The following PHF3 variants were observed in gnomAD, a reference collection of about 807,000 sequenced individuals.
The protein encoded by PHF3 is PHD finger protein 3.
A neutral mutation model predicts 178.4 loss-of-function variants in PHF3; 41 were observed. The ratio of observed to expected loss-of-function variants is 0.23; its 90% CI spans 0.18 to 0.30. The LOEUF is 0.30. Among genes scored for constraint, PHF3 ranks in the 10% least tolerant of loss-of-function variants. The pLI is 1.00. For missense variants in PHF3, 2,346 were observed against 2,398.1 expected, an observed-to-expected ratio of 0.98 and a Z score of 0.45; for synonymous variants, 842 against 800.5, an observed-to-expected ratio of 1.05 and a Z score of -0.88.
chr6:63,702,788 G>A, intron 10 of PHF3, 149 bp downstream of exon 10: 1 of 719,668 alleles, frequency 1.4e-6, no homozygotes. Flanking sequence ...GGTTTTTTGA[G>A]TGTTGAGTAA....
rs1219893676 is a variant in PHF3 at position 63,720,543 on chromosome 6, T to G, written c.*6835T>G. 3.1e-6 allele frequency: 4 copies of G among 1,297,728 alleles called. No individual in the cohort carries two copies. Among genetic ancestry groups the G allele is most frequent in the African/African-American group, 3.0e-5 (2 of 66,470 alleles). 80.4% of individuals were successfully genotyped at this position (1,297,728 alleles called of 1,614,324 possible). A position where few individuals can be genotyped will look rare whatever the true frequency, so the allele number is the denominator to read the frequency against. ...GTAAGCAATGTATCAAAGAAATAAC[T>G]ATCAAAATAACTGCATTTATGTATA... is the stretch of plus-strand genomic sequence containing the variant. On this transcript the variant is annotated 3_prime_UTR_variant, in exon 16 of 16. Coordinates refer to ENST00000262043, the MANE Select transcript of PHF3 (RefSeq NM_001370348.2).
intron 2 of PHF3, among the ~76,000 whole-genome samples, chr6:63,649,877 T>C (rs563682961): frequency 5.9e-5 from 9 of 152,232 alleles, no homozygotes; most frequent in Admixed American, 1.3e-4. Context: ...ATAGTGAATA[T>C]ACTGTTTATA....
chr6:63,698,016 T>A (rs890178685), intron 6 of PHF3, among the ~76,000 whole-genome samples: 8 of 152,188 alleles, frequency 5.3e-5, no homozygotes, highest in Admixed American at 4.6e-4. Context: ...AGCCATTGTC[T>A]AAATTGAGGA....
Position 63,711,620 on chromosome 6 carries a change from C to G in PHF3, c.4032C>G (p.Gly1344=), listed in dbSNP as rs1767929401. The G allele has an allele frequency of 1.3e-6, 2 of 1,596,540 alleles. No individual in the cohort carries two copies. Among genetic ancestry groups the G allele is most frequent in the African/African-American group, 1.4e-5 (1 of 73,444 alleles). Residue 1344 remains glycine, a synonymous_variant, in exon 16 of 16, where the codon GGC becomes GGG. Coordinates refer to ENST00000262043, the MANE Select transcript of PHF3 (RefSeq NM_001370348.2). ...LELHRPNLLL[G]LIIRQKLKRQ... is the part of the protein sequence containing the mutation. ...TGCATAGACCTAATCTATTGTTGGG[C>G]TTAATTATTCGTCAGAAACTGAAGC... is the stretch of plus-strand genomic sequence containing the variant.
In PHF3 at chr6:63,646,802, CTTACT is replaced by C; in HGVS notation, c.244+10_244+14del. On this transcript the variant is annotated splice_region_variant and intron_variant, in intron 2 of 15. Coordinates refer to ENST00000262043, the MANE Select transcript of PHF3 (RefSeq NM_001370348.2). ...CAGATGCCTTGTTCAACAGGTAATT[CTTACT>C]TTTTTTTTTTTTTTTTTTTTTAGTC... The C allele has an allele frequency of 4.2e-6, 4 of 956,556 alleles. No homozygotes were observed. Among genetic ancestry groups the C allele is most frequent in the Admixed American group, 4.7e-5 (1 of 21,390 alleles). 59.3% of individuals were successfully genotyped at this position (956,556 alleles called of 1,614,324 possible).
chr6:63,720,906 T>C lies in PHF3; in HGVS notation c.*7198T>C. 6.4e-7 allele frequency: 1 copy of C among 1,551,126 alleles called. No individual in the cohort carries two copies. The highest frequency in any genetic ancestry group is 8.7e-7 in the Non-Finnish European group (1 of 1,146,594). ...AATTACAACTACATGGTGCCATTTA[T>C]TACAACAGAATGTGCCATTGTTATA... On this transcript the variant is annotated 3_prime_UTR_variant, in exon 16 of 16. Transcript: ENST00000262043.
At chr6:63,682,400 T>C (rs1339121915) in intron 3 of PHF3, among the ~76,000 whole-genome samples, 1 of 152,132 alleles carries the variant, frequency 6.6e-6, no homozygotes, top group Non-Finnish European at 1.5e-5. Flanking sequence ...GTCTCTTATG[T>C]CAAATACTTG....
At chr6:63,668,395 G>A (rs1422877009) in intron 2 of PHF3, among the ~76,000 whole-genome samples, 5 of 152,070 alleles carry the variant, frequency 3.3e-5, no homozygotes, top group South Asian at 4.1e-4. Flanking sequence ...GTGCAGTGGC[G>A]TGATCATGGC....
At chr6:63,679,054 G>T (rs1766307591) in intron 2 of PHF3, 1 of 158,982 alleles carries the variant, frequency 6.3e-6, no homozygotes, top group Non-Finnish European at 1.4e-5. Context: ...TCTCATTTTA[G>T]AGGTAAAGAA....
intron 2 of PHF3, among the ~76,000 whole-genome samples, chr6:63,654,908 T>C (rs1765168062): frequency 6.7e-6 from 1 of 150,250 alleles, no homozygotes; most frequent in Non-Finnish European, 1.5e-5. Context: ...TTTTTTTTTT[T>C]TCGAGATGGG....
Position 63,692,052 on chromosome 6 carries a change from TTCA to T in PHF3, c.2496+11_2496+13del. On this transcript the variant is annotated intron_variant, in intron 5 of 15. Transcript: ENST00000262043. Reference sequence around the variant, plus strand: ...TCAAAATTTTAAAACGGGTGAGCTCTTCATTAATGCATTATTTTGTTTATTTAA... The same window carrying T: ...TCAAAATTTTAAAACGGGTGAGCTCTTTAATGCATTATTTTGTTTATTTAA... The T allele has an allele frequency of 6.3e-7, 1 of 1,578,170 alleles. No individual in the cohort carries two copies. The highest frequency in any genetic ancestry group is 8.6e-7 in the Non-Finnish European group (1 of 1,159,654).
At position 63,706,860 on chromosome 6, in the gene PHF3, C is replaced by T. The variant is rs745814888; in HGVS notation, c.3695C>T (p.Pro1232Leu). ...AAAGCCTATCCAGTATCTGGCTCCC[C>T]AGAATACCTGACAGAGGTACTGTGA... ...VTKAYPVSGSPEYLTEDLPDS... is the reference protein window; with the variant it reads ...VTKAYPVSGSLEYLTEDLPDS... Residue 1232 changes from proline to leucine, a missense_variant, in exon 13 of 16, where the codon CCA (proline) becomes CTA (leucine). Physicochemically the swap from Pro to Leu is moderately conservative, Grantham distance 98. Around this residue, in one of 8 missense-constraint regions of PHF3, gnomAD observed 205 missense variants for 212.4 expected, o/e 0.97. Transcript: ENST00000262043. The T allele has an allele frequency of 1.9e-6, 3 of 1,613,890 alleles. No individual in the cohort carries two copies. The highest frequency in any genetic ancestry group is 2.2e-5 in the East Asian group (1 of 44,860).
At chr6:63,687,111 G>T (rs750365205) in intron 4 of PHF3, among the ~76,000 whole-genome samples, 3 of 152,076 alleles carry the variant, frequency 2.0e-5, no homozygotes, top group South Asian at 2.1e-4. Context: ...TAATTATATG[G>T]TTTTTTTATT....
intron 2 of PHF3, among the ~76,000 whole-genome samples, chr6:63,647,633 G>C (rs2149540804): frequency 6.6e-6 from 1 of 152,216 alleles, no homozygotes; most frequent in South Asian, 2.1e-4. Flanking sequence ...AAAAGGGTCT[G>C]TAGTTGAAGT....
At chr6:63,665,144 C>G (rs1270708165) in intron 2 of PHF3, among the ~76,000 whole-genome samples, 2 of 151,960 alleles carry the variant, frequency 1.3e-5, no homozygotes, top group Non-Finnish European at 2.9e-5. Context: ...GAAAACATAC[C>G]TAAACATCAA....
chr6:63,721,245 G>A lies in PHF3; in HGVS notation c.*7537G>A, dbSNP rs986819755. 2.0e-5 allele frequency: 31 copies of A among 1,551,706 alleles called. No individual in the cohort carries two copies. Among genetic ancestry groups the A allele is most frequent in the Non-Finnish European group, 2.3e-5 (26 of 1,146,968 alleles). Reference sequence around the variant, plus strand: ...GCAACTGTAAGAAAATGATTGGTCAGGTATACATAAAGATTGGTGGAGGCA... The same window carrying A: ...GCAACTGTAAGAAAATGATTGGTCAAGTATACATAAAGATTGGTGGAGGCA... On this transcript the variant is annotated 3_prime_UTR_variant, in exon 16 of 16. Coordinates refer to ENST00000262043, the MANE Select transcript of PHF3 (RefSeq NM_001370348.2).
intron 2 of PHF3, among the ~76,000 whole-genome samples, chr6:63,667,076 C>T (rs1439683139): frequency 1.3e-5 from 2 of 152,166 alleles, no homozygotes; most frequent in African/African-American, 2.4e-5. Flanking sequence ...AACCCCTGGG[C>T]TCAAGCAATC....
rs570631058 is a variant in PHF3 at position 63,717,172 on chromosome 6, CGT to C, written c.*3471_*3472del. ...GAAAAGTGAAGCCACTCCATGTTAACGTGTGTGTTAACATAAAACTACCCGTC... is the reference window on the plus strand; with the variant it reads ...GAAAAGTGAAGCCACTCCATGTTAACGTGTGTTAACATAAAACTACCCGTC... On this transcript the variant is annotated 3_prime_UTR_variant, in exon 16 of 16. Coordinates refer to ENST00000262043, the MANE Select transcript of PHF3 (RefSeq NM_001370348.2). Among the ~76,000 whole-genome samples the C allele has an allele frequency of 1.4e-3, 206 of 152,086 alleles. No individual in the cohort carries two copies. The highest frequency in any genetic ancestry group is 4.7e-3 in the African/African-American group (194 of 41,512).
In PHF3 at chr6:63,691,876, A is replaced by G. The variant is rs188492667; in HGVS notation, c.2329A>G (p.Thr777Ala). 5.6e-6 allele frequency: 9 copies of G among 1,613,682 alleles called. No homozygotes were observed. The African/African-American group carries it at 9.4e-5, about 17-fold the overall frequency. Residue 777 changes from threonine (T) to alanine (A), a missense_variant, in exon 5 of 16, where the codon ACT becomes GCT. Around this residue, in one of 8 missense-constraint regions of PHF3, gnomAD observed 252 missense variants for 232.0 expected, o/e 1.09. Transcript: ENST00000262043. Reference protein sequence around the residue: ...VKCCAEEDKKTEILDPDTLEN... With the variant: ...VKCCAEEDKKAEILDPDTLEN... Reference sequence around the variant, plus strand: ...ATGTTGTGCTGAAGAAGACAAAAAGACTGAAATACTAGATCCAGATACTTT... The same window carrying G: ...ATGTTGTGCTGAAGAAGACAAAAAGGCTGAAATACTAGATCCAGATACTTT...
Sources: gnomAD v4.1 joint callset for allele counts (sites outside exome capture counted in the v4.1 genomes callset) on GRCh38, gnomAD v4.1.1 for gene constraint, gnomAD v4.1.1 regional missense constraint, MANE v1.5 for transcripts, NCBI Gene and HGNC (gene_info 2026-07-23, HGNC 2026-07-21) for gene names.